Variants in KANK4 observed in about 807,000 individuals in gnomAD.
The protein encoded by KANK4 is KN motif and ankyrin repeat domain-containing protein 4.
In KANK4, 50 loss-of-function variants were observed where a neutral mutation model predicts 80.8. That is an observed-to-expected ratio of 0.62 (90% CI 0.49 to 0.78). The LOEUF is 0.78. KANK4 is among the 30% of genes least tolerant of loss of function. The probability of loss-of-function intolerance (pLI) is 0.00; values close to 1 mark genes in which losing one functional copy is unlikely to be tolerated. For missense variants in KANK4, 1,196 were observed against 1,240.1 expected (o/e 0.96, Z 0.53); for synonymous variants, 465 against 506.9 (o/e 0.92, Z 1.11).
chr1:62,290,679 AC>A (rs1368619159), intron 1 of KANK4, among the ~76,000 whole-genome samples: 1 of 152,112 alleles, frequency 6.6e-6, no homozygotes, highest in African/African-American at 2.4e-5. Flanking sequence ...TTCAATAAAA[AC>A]GTGTTGAATC....
At chr1:62,239,782 G>A (rs1403482754) in intron 9 of KANK4, among the ~76,000 whole-genome samples, 1 of 152,064 alleles carries the variant, frequency 6.6e-6, no homozygotes, top group African/African-American at 2.4e-5. Flanking sequence ...TTCTTTCCTT[G>A]CGATGGTTTG....
rs1223119136 is a variant in KANK4, at chr1:62,274,935, T to G, written c.169A>C (p.Ile57Leu). 1 of 1,613,960 alleles carries G rather than the reference T, an allele frequency of 6.2e-7. No individual in the cohort carries two copies. The highest frequency in any genetic ancestry group is 1.3e-5 in the African/African-American group (1 of 74,890). ...TTGGCCTGCTTGGCCCTTCTGTGGATAGGAATTCTTTTGATAGTGTTTCCC... is the reference window on the plus strand; with the variant it reads ...TTGGCCTGCTTGGCCCTTCTGTGGAGAGGAATTCTTTTGATAGTGTTTCCC... ...EKGNTIKRIP[I>L]HRRAKQAKFS... Residue 57 changes from isoleucine to leucine, a missense_variant, in exon 3 of 10, where the codon ATC becomes CTC. Ile to Leu is a conservative substitution (Grantham distance 5, BLOSUM62 2). Coordinates refer to ENST00000371153, the MANE Select transcript of KANK4 (RefSeq NM_181712.5).
Position 62,273,907 on chromosome 1 carries a change from G to A in KANK4, c.1197C>T (p.His399=), listed in dbSNP as rs1672236948. 1 of 1,614,052 alleles carries A rather than the reference G, an allele frequency of 6.2e-7. No individual in the cohort carries two copies. The highest frequency in any genetic ancestry group is 1.3e-5 in the African/African-American group (1 of 74,916). Residue 399 remains histidine (H), a synonymous_variant, in exon 3 of 10, where the codon CAC becomes CAT. Transcript: ENST00000371153. The stretch of plus-strand genomic sequence containing the variant: ...CCTGAGTGTCTTTGGCGTTCTCTTG[G>A]TGAAACTGTCCTTCCAGTTGGGCTA... ...FTVAQLEGQF[H]QENAKDTQGQ... is the part of the protein sequence containing the mutation.
At chr1:62,317,175 G>A (rs1046124943) in intron 1 of KANK4, among the ~76,000 whole-genome samples, 1 of 152,150 alleles carries the variant, frequency 6.6e-6, no homozygotes, top group Admixed American at 6.5e-5. Flanking sequence ...GGGCCCAGAT[G>A]AGGAAATGCC....
At chr1:62,292,242 C>T (rs1006162775) in intron 1 of KANK4, among the ~76,000 whole-genome samples, 15 of 152,246 alleles carry the variant, frequency 9.9e-5, no homozygotes, top group African/African-American at 3.4e-4. Context: ...TAATCTAACC[C>T]TGTTTTCAAT....
chr1:62,304,944 A>G (rs1012486438), intron 1 of KANK4, among the ~76,000 whole-genome samples: 2 of 152,112 alleles, frequency 1.3e-5, no homozygotes, highest in Non-Finnish European at 2.9e-5. Context: ...AGAGGGTTCA[A>G]TGAGATAATG....
intron 1 of KANK4, among the ~76,000 whole-genome samples, chr1:62,284,219 T>G (rs781104753): frequency 6.6e-6 from 1 of 152,118 alleles, no homozygotes; most frequent in Non-Finnish European, 1.5e-5. Context: ...CTCAGTGTGG[T>G]TAGGTTAGGT....
At position 62,274,597 on chromosome 1, in the gene KANK4, C is replaced by A; in HGVS notation, c.507G>T (p.Leu169=). ...LLRASSMPAT[L]LHSRASEEPG... Reference sequence around the variant, plus strand: ...GCTCCTCAGAAGCCCTGCTGTGCAGCAGCGTGGCAGGCATGCTGGATGCTC... The same window carrying A: ...GCTCCTCAGAAGCCCTGCTGTGCAGAAGCGTGGCAGGCATGCTGGATGCTC... The change falls in exon 3 of 10, where the codon CTG becomes CTT. Residue 169 remains leucine, a synonymous_variant. Transcript: ENST00000371153. The A allele has an allele frequency of 6.2e-7, 1 of 1,614,044 alleles. No homozygotes were observed. Among genetic ancestry groups the A allele is most frequent in the Non-Finnish European group, 8.5e-7 (1 of 1,179,970 alleles).
At chr1:62,310,426 G>T (rs1348172087) in intron 1 of KANK4, among the ~76,000 whole-genome samples, 1 of 152,180 alleles carries the variant, frequency 6.6e-6, no homozygotes, top group Admixed American at 6.5e-5. Context: ...AGGGGCCAAA[G>T]AAAGGTGAGG....
rs1425537733 is a variant in KANK4 at position 62,236,444 on chromosome 1, T to C, written c.*1833A>G. 3.3e-5 allele frequency among the ~76,000 whole-genome samples: 5 copies of C among 152,164 alleles called. No individual in the cohort carries two copies. The highest frequency in any genetic ancestry group is 2.6e-4 in the Admixed American group (4 of 15,278). On this transcript the variant is annotated 3_prime_UTR_variant, in exon 10 of 10. Transcript: ENST00000371153. ...ATAAACTCATTTAAAGCATTTTTTT[T>C]CTCATTATTTGCTCCATTCTCTCCA...
At chr1:62,295,138 T>A (rs983362247) in intron 1 of KANK4, among the ~76,000 whole-genome samples, 1 of 131,196 alleles carries the variant, frequency 7.6e-6, no homozygotes, top group Admixed American at 8.3e-5. Flanking sequence ...TCTGCTCACA[T>A]CTTTTCTTTT....
intron 1 of KANK4, among the ~76,000 whole-genome samples, chr1:62,301,950 A>G (rs138477593): frequency 0.012 from 1,855 of 152,042 alleles, 32 homozygotes; most frequent in African/African-American, 0.042. Flanking sequence ...GAGCAAGCAG[A>G]GGAGTCTGAG....
At chr1:62,258,914 A>T (rs747026329) in intron 7 of KANK4, among the ~76,000 whole-genome samples, 1 of 152,182 alleles carries the variant, frequency 6.6e-6, no homozygotes, top group African/African-American at 2.4e-5. Context: ...CAGGGGGAAG[A>T]GTCCAGGTAG....
intron 6 of KANK4, among the ~76,000 whole-genome samples, chr1:62,264,530 A>C (rs1269111872): frequency 6.6e-6 from 1 of 152,174 alleles, no homozygotes; most frequent in Non-Finnish European, 1.5e-5. Flanking sequence ...GTAAAAGGGG[A>C]CTGGCCCCTT....
At chr1:62,241,393 G>A (rs925193033) in intron 9 of KANK4, among the ~76,000 whole-genome samples, 5 of 152,118 alleles carry the variant, frequency 3.3e-5, no homozygotes, top group African/African-American at 1.2e-4. Context: ...GATGGCACAT[G>A]GGCTTCTCAA....
intron 9 of KANK4, among the ~76,000 whole-genome samples, chr1:62,246,685 C>A (rs1671473389): frequency 6.6e-6 from 1 of 152,094 alleles, no homozygotes; most frequent in Non-Finnish European, 1.5e-5. Context: ...GCAACCTCAA[C>A]CTTCTGGGCT....
intron 1 of KANK4, among the ~76,000 whole-genome samples, chr1:62,300,959 A>T (rs1008854321): frequency 1.2e-4 from 18 of 152,130 alleles, no homozygotes; most frequent in African/African-American, 4.1e-4. Flanking sequence ...CTTCTCCTGT[A>T]CTGAACCATT....
chr1:62,285,257 C>T (rs1672538854), intron 1 of KANK4, among the ~76,000 whole-genome samples: 1 of 152,160 alleles, frequency 6.6e-6, no homozygotes, highest in Non-Finnish European at 1.5e-5. Context: ...TTCAAAAATC[C>T]AGCAAAGAAG....
At chr1:62,256,430 G>A (rs1221184484) in intron 7 of KANK4, among the ~76,000 whole-genome samples, 1 of 151,410 alleles carries the variant, frequency 6.6e-6, no homozygotes, top group Non-Finnish European at 1.5e-5. Flanking sequence ...TTGTTGCCCA[G>A]GCTGGAGTGC....
Sources: gnomAD v4.1 joint callset for allele counts (sites outside exome capture counted in the v4.1 genomes callset) on GRCh38, gnomAD v4.1.1 for gene constraint, MANE v1.5 for transcripts, NCBI Gene and HGNC (gene_info 2026-07-23, HGNC 2026-07-21) for gene names.